The following WDR7 variants were observed in gnomAD, a reference collection of about 807,000 sequenced individuals.
The protein encoded by WDR7 is WD repeat domain 7.
A neutral mutation model predicts 169.4 loss-of-function variants in WDR7; 46 were observed. The observed-to-expected ratio is 0.27, with a 90% CI of 0.21 to 0.35. The LOEUF is 0.35. Ranked by LOEUF, WDR7 falls within the 10% of genes least tolerant of loss-of-function variation. WDR7 has a pLI of 1.00. For synonymous variants in WDR7, 612 were observed against 666.8 expected, an observed-to-expected ratio of 0.92 and a Z score of 1.27; for missense variants, 1,534 against 1,859.3, an observed-to-expected ratio of 0.83 and a Z score of 3.22.
intron 13 of WDR7, among the ~76,000 whole-genome samples, chr18:56,727,648 G>A (rs759163817): frequency 2.6e-5 from 4 of 152,242 alleles, no homozygotes; most frequent in South Asian, 2.1e-4. Context: ...TCTCCACCTC[G>A]TCCCACGCTT....
chr18:56,827,042 G>A (rs1483985134), intron 20 of WDR7, among the ~76,000 whole-genome samples: 1 of 152,152 alleles, frequency 6.6e-6, no homozygotes, highest in Non-Finnish European at 1.5e-5. Context: ...TTAAGGGTAG[G>A]AGTTATGTAA....
At chr18:56,752,135 TG>T (rs1240965013) in intron 14 of WDR7, among the ~76,000 whole-genome samples, 1 of 152,208 alleles carries the variant, frequency 6.6e-6, no homozygotes, top group Non-Finnish European at 1.5e-5. Flanking sequence ...CTAAAGATAC[TG>T]GTTCAGGTCT....
chr18:56,855,005 C>T (rs1158227594), intron 20 of WDR7, among the ~76,000 whole-genome samples: 1 of 152,164 alleles, frequency 6.6e-6, no homozygotes, highest in African/African-American at 2.4e-5. Flanking sequence ...ATTGCTGTGT[C>T]TTGGGGTATG....
intron 21 of WDR7, among the ~76,000 whole-genome samples, chr18:56,884,979 T>C (rs1317922435): frequency 6.6e-6 from 1 of 152,186 alleles, no homozygotes; most frequent in African/African-American, 2.4e-5. Context: ...CTGTGCAGAA[T>C]GCCTCAGTCC....
intron 21 of WDR7, among the ~76,000 whole-genome samples, chr18:56,884,398 A>G (rs940347300): frequency 2.0e-5 from 3 of 151,998 alleles, no homozygotes; most frequent in African/African-American, 7.3e-5. Flanking sequence ...GTTTCTGGAT[A>G]TTTGTCCTTT....
chr18:56,800,791 C>T (rs896098600), intron 19 of WDR7, among the ~76,000 whole-genome samples: 4 of 152,196 alleles, frequency 2.6e-5, no homozygotes, highest in Non-Finnish European at 5.9e-5. Flanking sequence ...CACTTTCTTA[C>T]TTTCTGGCAC....
intron 26 of WDR7, among the ~76,000 whole-genome samples, chr18:56,997,523 A>C (rs1044373374): frequency 2.6e-5 from 4 of 152,358 alleles, no homozygotes; most frequent in Non-Finnish European, 4.4e-5. Context: ...AAGGGTGCTT[A>C]TCTCTATTTG....
intron 26 of WDR7, among the ~76,000 whole-genome samples, chr18:56,969,840 T>C (rs1300949030): frequency 6.6e-6 from 1 of 152,230 alleles, no homozygotes; most frequent in Non-Finnish European, 1.5e-5. Flanking sequence ...ATATTTAATA[T>C]GATCTCTAAA....
At chr18:56,957,897 T>C (rs759478362) in intron 25 of WDR7, among the ~76,000 whole-genome samples, 3 of 152,172 alleles carry the variant, frequency 2.0e-5, no homozygotes, top group Non-Finnish European at 4.4e-5. Flanking sequence ...CATTGCAAAT[T>C]GCTGAACTCA....
intron 1 of WDR7, among the ~76,000 whole-genome samples, chr18:56,656,156 A>G (rs2024766215): frequency 6.6e-6 from 1 of 152,004 alleles, no homozygotes; most frequent in Non-Finnish European, 1.5e-5. Context: ...GTGTATGTTT[A>G]GTTTTTGAAG....
intron 1 of WDR7, among the ~76,000 whole-genome samples, chr18:56,665,789 G>A (rs144551858): frequency 1.2e-3 from 186 of 152,280 alleles, no homozygotes; most frequent in South Asian, 9.1e-3. Flanking sequence ...AGCGGACTCT[G>A]AGATGGAGAC....
chr18:56,653,259 T>G (rs185357246), intron 1 of WDR7, among the ~76,000 whole-genome samples: 203 of 152,022 alleles, frequency 1.3e-3, no homozygotes, highest in Non-Finnish European at 1.8e-3. Flanking sequence ...CAGGCTGGAG[T>G]GCAGTGGCGT....
At chr18:56,731,837 T>C (rs2026594574) in intron 14 of WDR7, among the ~76,000 whole-genome samples, 1 of 152,214 alleles carries the variant, frequency 6.6e-6, no homozygotes, top group African/African-American at 2.4e-5. Context: ...TTAAGTGACT[T>C]TAGTTTCTGA....
At chr18:56,942,927 C>T (rs2047053191) in intron 25 of WDR7, among the ~76,000 whole-genome samples, 1 of 152,098 alleles carries the variant, frequency 6.6e-6, no homozygotes. Flanking sequence ...CACATAGGCC[C>T]ATTTATTTGT....
At chr18:56,763,686 T>C (rs999907293) in intron 16 of WDR7, among the ~76,000 whole-genome samples, 1 of 152,156 alleles carries the variant, frequency 6.6e-6, no homozygotes, top group East Asian at 1.9e-4. Context: ...CCATATTTGG[T>C]TGATCTAATT....
intron 16 of WDR7, among the ~76,000 whole-genome samples, chr18:56,764,985 A>G (rs1207551480): frequency 2.0e-5 from 3 of 152,142 alleles, no homozygotes; most frequent in African/African-American, 7.2e-5. Flanking sequence ...GACCCTCGTC[A>G]TTATGAAATG....
intron 26 of WDR7, among the ~76,000 whole-genome samples, chr18:57,015,605 A>ATT (rs2048195349): frequency 6.6e-6 from 1 of 152,172 alleles, no homozygotes; most frequent in Middle Eastern, 3.2e-3. Flanking sequence ...GCCAGCCATG[A>ATT]AATCTACGGG....
At chr18:56,724,637 C>T (rs1367336743) in intron 13 of WDR7, among the ~76,000 whole-genome samples, 1 of 150,418 alleles carries the variant, frequency 6.6e-6, no homozygotes, top group Non-Finnish European at 1.5e-5. Flanking sequence ...TTTTTTTTAC[C>T]TTTTTTTAAT....
chr18:56,664,713 G>C (rs1239907347), intron 1 of WDR7, among the ~76,000 whole-genome samples: 2 of 152,172 alleles, frequency 1.3e-5, no homozygotes, highest in Non-Finnish European at 2.9e-5. Flanking sequence ...TTTAGGTGCA[G>C]ATATGCAGCT....
Sources: gnomAD v4.1 joint callset for allele counts (sites outside exome capture counted in the v4.1 genomes callset) on GRCh38, gnomAD v4.1.1 for gene constraint, MANE v1.5 for transcripts, NCBI Gene and HGNC (gene_info 2026-07-23, HGNC 2026-07-21) for gene names.